SLIT2: variants seen among roughly 807,000 people sequenced by gnomAD.
The protein encoded by SLIT2 is slit homolog 2 protein.
A neutral mutation model predicts 185.7 loss-of-function variants in SLIT2; 41 were observed. The observed-to-expected ratio is 0.22, with a 90% confidence interval of 0.17 to 0.29. The LOEUF is 0.29. Ranked by LOEUF, SLIT2 falls within the 10% of genes least tolerant of loss-of-function variation. SLIT2 has a pLI of 1.00. For synonymous variants in SLIT2, 693 were observed against 680.2 expected, an observed-to-expected ratio of 1.02 and a Z score of -0.29; for missense variants, 1,571 against 1,909.0, an observed-to-expected ratio of 0.82 and a Z score of 3.30.
chr4:20,472,386 G>GATCTATATATCTATATATCTATATATA (rs1560453735), intron 5 of SLIT2, among the ~76,000 whole-genome samples: 1 of 38,394 alleles, frequency 2.6e-5, no homozygotes, highest in African/African-American at 1.4e-4. Flanking sequence ...CTATATATAT[G>GATCTATATATCTATATATCTATATATA]TAGATATATA....
At chr4:20,337,655 T>A (rs1159643147) in intron 4 of SLIT2, among the ~76,000 whole-genome samples, 1 of 152,196 alleles carries the variant, frequency 6.6e-6, no homozygotes, top group Non-Finnish European at 1.5e-5. Flanking sequence ...CTCTCTAGAC[T>A]AGCTTAGTAC....
chr4:20,402,614 G>T, intron 4 of SLIT2, among the ~76,000 whole-genome samples: 1 of 151,666 alleles, frequency 6.6e-6, no homozygotes. Flanking sequence ...GAATAACATG[G>T]GATGTTAATT....
intron 4 of SLIT2, among the ~76,000 whole-genome samples, chr4:20,376,482 A>C (rs1724032500): frequency 1.3e-5 from 2 of 151,968 alleles, no homozygotes; most frequent in Non-Finnish European, 2.9e-5. Context: ...TTACCCAAAA[A>C]TTCAACTTGA....
At chr4:20,514,308 G>C (rs928396770) in intron 11 of SLIT2, among the ~76,000 whole-genome samples, 12 of 152,118 alleles carry the variant, frequency 7.9e-5, no homozygotes, top group African/African-American at 2.7e-4. Flanking sequence ...ATTTAAAGGT[G>C]ATATGATGCC....
At chr4:20,583,692 C>G (rs1029082687) in intron 29 of SLIT2, among the ~76,000 whole-genome samples, 5 of 151,896 alleles carry the variant, frequency 3.3e-5, no homozygotes, top group African/African-American at 4.8e-5. Flanking sequence ...ACCTGTAGTC[C>G]CAGCTACTGG....
intron 26 of SLIT2, among the ~76,000 whole-genome samples, chr4:20,563,514 A>T (rs1430546330): frequency 6.6e-6 from 1 of 151,754 alleles, no homozygotes; most frequent in Non-Finnish European, 1.5e-5. Flanking sequence ...TTTGTAAATC[A>T]CAGTTGCTTT....
chr4:20,307,094 C>T (rs1456646793), intron 4 of SLIT2, among the ~76,000 whole-genome samples: 7 of 136,512 alleles, frequency 5.1e-5, no homozygotes, highest in African/African-American at 1.9e-4. Flanking sequence ...TCCACCCGCT[C>T]TATTTCTTTC....
At chr4:20,541,721 A>G in intron 20 of SLIT2, 102 bp downstream of exon 20, 1 of 1,032,274 alleles carries the variant, frequency 9.7e-7, no homozygotes, top group Non-Finnish European at 1.4e-6. Flanking sequence ...GCAAATAATG[A>G]TCGTGTATCT....
chr4:20,263,290 C>T (rs1054652671), intron 3 of SLIT2, among the ~76,000 whole-genome samples: 10 of 149,488 alleles, frequency 6.7e-5, no homozygotes, highest in South Asian at 6.3e-4. Context: ...GCTTTCAGAA[C>T]GAAAGCTTGA....
At chr4:20,474,868 A>C (rs1198512322) in intron 5 of SLIT2, among the ~76,000 whole-genome samples, 1 of 151,970 alleles carries the variant, frequency 6.6e-6, no homozygotes, top group East Asian at 1.9e-4. Flanking sequence ...AGTTGTTTTA[A>C]AGTACCTTTG....
chr4:20,332,208 A>G (rs1048948324), intron 4 of SLIT2, among the ~76,000 whole-genome samples: 30 of 152,116 alleles, frequency 2.0e-4, no homozygotes, highest in Non-Finnish European at 4.3e-4. Flanking sequence ...ACACACATAC[A>G]CACACACACC....
At chr4:20,463,448 GATATATATAT>G (rs56256520) in intron 4 of SLIT2, among the ~76,000 whole-genome samples, 6,281 of 67,268 alleles carry the variant, frequency 0.093, 316 homozygotes, top group Middle Eastern at 0.13. Context: ...CTCAAACTGT[GATATATATAT>G]ATATATATAT....
chr4:20,400,584 T>C (rs1726269535), intron 4 of SLIT2, among the ~76,000 whole-genome samples: 1 of 151,642 alleles, frequency 6.6e-6, no homozygotes, highest in Non-Finnish European at 1.5e-5. Flanking sequence ...TAGAGCAAAC[T>C]ATGGACTGTC....
chr4:20,256,431 T>G (rs1711847971), intron 1 of SLIT2, among the ~76,000 whole-genome samples: 1 of 152,104 alleles, frequency 6.6e-6, no homozygotes, highest in African/African-American at 2.4e-5. Context: ...AAACGAAAAC[T>G]TTTTTGTGAT....
chr4:20,416,856 C>G (rs762958702), intron 4 of SLIT2, among the ~76,000 whole-genome samples: 25 of 152,132 alleles, frequency 1.6e-4, no homozygotes, highest in Non-Finnish European at 2.6e-4. Flanking sequence ...TGTCCCTGTT[C>G]AGTTAAACAA....
intron 33 of SLIT2, among the ~76,000 whole-genome samples, chr4:20,605,069 C>T (rs1221281744): frequency 1.3e-5 from 2 of 151,436 alleles, no homozygotes; most frequent in Admixed American, 1.3e-4. Context: ...CTCCTGACAT[C>T]GAGATCCACC....
intron 3 of SLIT2, among the ~76,000 whole-genome samples, chr4:20,267,885 T>A (rs575090462): frequency 1.8e-4 from 28 of 152,040 alleles, no homozygotes; most frequent in African/African-American, 6.5e-4. Flanking sequence ...ATAATATGCC[T>A]CTACTCCTCT....
At chr4:20,491,644 C>A (rs1717788010) in intron 8 of SLIT2, 117 bp from the exon 9 acceptor site, 2 of 800,578 alleles carry the variant, frequency 2.5e-6, no homozygotes, top group East Asian at 2.6e-5. Flanking sequence ...ATTTTATCAT[C>A]ATGTATTTAA....
intron 17 of SLIT2, 57 bp from the exon 18 acceptor site, chr4:20,533,515 C>T (rs943991954): frequency 1.5e-6 from 2 of 1,344,926 alleles, no homozygotes; most frequent in South Asian, 1.3e-5. Context: ...AACTATGTTT[C>T]AATTCCCACC....
Sources: gnomAD v4.1 joint callset for allele counts (sites outside exome capture counted in the v4.1 genomes callset) on GRCh38, gnomAD v4.1.1 for gene constraint, MANE v1.5 for transcripts, NCBI Gene and HGNC (gene_info 2026-07-23, HGNC 2026-07-21) for gene names.